Variants in DNAJC17 observed in about 807,000 individuals in gnomAD.
DNAJC17 encodes the protein dnaJ homolog subfamily C member 17.
In DNAJC17, 35 loss-of-function variants were observed where a neutral mutation model predicts 48.1. The ratio of observed to expected loss-of-function variants is 0.73; its 90% confidence interval spans 0.56 to 0.96. The LOEUF is 0.96. DNAJC17 is among the 50% of genes least tolerant of loss of function. The pLI is 0.00. For synonymous variants in DNAJC17, 117 were observed against 142.7 expected (o/e 0.82, Z 1.28); for missense variants, 355 against 377.1 (o/e 0.94, Z 0.48).
chr15:40,803,074 C>T (rs950366185), intron 1 of DNAJC17, among the ~76,000 whole-genome samples: 2 of 144,038 alleles, frequency 1.4e-5, no homozygotes, highest in Non-Finnish European at 3.0e-5. Context: ...CTGACTCCAG[C>T]GTGGGTAACA....
chr15:40,778,265 G>GT (rs1889385051), intron 4 of DNAJC17, among the ~76,000 whole-genome samples: 1 of 151,070 alleles, frequency 6.6e-6, no homozygotes, highest in Non-Finnish European at 1.5e-5. Context: ...GTTTTGTTTT[G>GT]TTTTTTGAGA....
Position 40,765,956 on chromosome 15 carries a change from C to G in DNAJC17, c.*1984G>C. 1 of 1,172,604 alleles carries G rather than the reference C, an allele frequency of 8.5e-7. No homozygotes were observed. The allele number at this position is 1,172,604 out of a possible 1,614,324, so 72.6% of individuals were successfully genotyped here. On this transcript the variant is annotated 3_prime_UTR_variant, in exon 11 of 11. Coordinates refer to ENST00000220496, the MANE Select transcript of DNAJC17 (RefSeq NM_018163.3). ...AGCCTCCCTCAGTATCCTCTCCCTGCCAGCCCCTAGACCTGCCTCTGCTCC... is the reference window on the plus strand; with the variant it reads ...AGCCTCCCTCAGTATCCTCTCCCTGGCAGCCCCTAGACCTGCCTCTGCTCC...
intron 1 of DNAJC17, among the ~76,000 whole-genome samples, chr15:40,795,177 C>T (rs76743173): frequency 0.28 from 42,743 of 150,334 alleles, 6,932 homozygotes; most frequent in South Asian, 0.4. Context: ...TTTAGGAGGC[C>T]GAGGCGGGAG....
At chr15:40,778,964 A>G in intron 4 of DNAJC17, 1 of 468,036 alleles carries the variant, frequency 2.1e-6, no homozygotes, top group Non-Finnish European at 3.9e-6. Flanking sequence ...AAGGTTTAGT[A>G]CCCACACTTC....
At chr15:40,774,224 AGC>A (rs1198606027) in intron 9 of DNAJC17, 130 bp downstream of exon 9, 1 of 1,025,530 alleles carries the variant, frequency 9.8e-7, no homozygotes, top group Non-Finnish European at 1.5e-6. Flanking sequence ...CCCTGGGAAG[AGC>A]CTTGGCTCTA....
chr15:40,781,581 T>C (rs920048981), intron 1 of DNAJC17, among the ~76,000 whole-genome samples: 5 of 152,076 alleles, frequency 3.3e-5, no homozygotes, highest in African/African-American at 1.2e-4. Flanking sequence ...AATAAAATAT[T>C]ATAGTAGACA....
intron 1 of DNAJC17, among the ~76,000 whole-genome samples, chr15:40,788,564 C>T (rs1889706863): frequency 6.6e-6 from 1 of 152,004 alleles, no homozygotes; most frequent in South Asian, 2.1e-4. Flanking sequence ...GGCATGGTGG[C>T]GGGCGCCTGT....
At chr15:40,776,404 G>A (rs1480482197) in intron 5 of DNAJC17, 112 bp from the exon 6 acceptor site, 5 of 1,458,428 alleles carry the variant, frequency 3.4e-6, no homozygotes, top group Non-Finnish European at 4.8e-6. Flanking sequence ...TCAGCAACCT[G>A]TGGGTGGGAC....
At position 40,787,739 on chromosome 15, in the gene DNAJC17, G is replaced by A. The variant is rs116542722; in HGVS notation, c.79-7742C>T. On this transcript the variant is annotated intron_variant, in intron 1 of 10. Coordinates refer to ENST00000220496, the MANE Select transcript of DNAJC17 (RefSeq NM_018163.3). ...CTAGCCACCTCCACTGGGTTTTGCC[G>A]CAAGCACACAGCAGGGCCTCTGACA... Among the ~76,000 whole-genome samples the A allele has an allele frequency of 5.0e-3, 759 of 152,214 alleles. 8 individuals carry two copies. The highest frequency in any genetic ancestry group is 0.017 in the African/African-American group (725 of 41,514).
rs1379013271 is a variant in DNAJC17, at chr15:40,769,718, G to A, written c.793-1656C>T. Among the ~76,000 whole-genome samples, 1 of 152,064 alleles carries A rather than the reference G, an allele frequency of 6.6e-6. No homozygotes were observed. The highest frequency in any genetic ancestry group is 1.5e-5 in the Non-Finnish European group (1 of 68,032). On this transcript the variant is annotated intron_variant, in intron 10 of 10. Coordinates refer to ENST00000220496, the MANE Select transcript of DNAJC17 (RefSeq NM_018163.3). The surrounding 1 kb of genome is among the most constrained non-coding windows in gnomAD (Gnocchi z 4.2). ...CCCGAACTCTTCCTACCCAGACACTGTGGGCAGGGAGCCAGGCGCACCTGC... is the reference window on the plus strand; with the variant it reads ...CCCGAACTCTTCCTACCCAGACACTATGGGCAGGGAGCCAGGCGCACCTGC...
At chr15:40,779,366 C>T (rs1889416260) in intron 3 of DNAJC17, 56 bp from the exon 4 acceptor site, 2 of 1,599,406 alleles carry the variant, frequency 1.3e-6, no homozygotes, top group Admixed American at 1.7e-5. Flanking sequence ...AAGACAGAGC[C>T]CCGGCAATCT....
chr15:40,790,345 G>A (rs1375621707), intron 1 of DNAJC17, among the ~76,000 whole-genome samples: 2 of 152,114 alleles, frequency 1.3e-5, no homozygotes, highest in Non-Finnish European at 2.9e-5. Context: ...AGGCTGAGGC[G>A]GGTGGATCAC....
At chr15:40,777,414 T>C (rs1043946096) in intron 4 of DNAJC17, among the ~76,000 whole-genome samples, 2 of 151,764 alleles carry the variant, frequency 1.3e-5, no homozygotes, top group East Asian at 1.9e-4. Context: ...AAGGAGAAAC[T>C]TGAGTAAAGA....
At chr15:40,787,933 T>C (rs2010300) in intron 1 of DNAJC17, among the ~76,000 whole-genome samples, 43,456 of 152,160 alleles carry the variant, frequency 0.29, 7,189 homozygotes, top group South Asian at 0.4. Flanking sequence ...TGTCCTTTCT[T>C]GTAATAAAGC....
chr15:40,769,605 C>T lies in DNAJC17; in HGVS notation c.793-1543G>A, dbSNP rs763466280. Among the ~76,000 whole-genome samples, 17 of 152,358 alleles carry T rather than the reference C, an allele frequency of 1.1e-4. No homozygotes were observed. The highest frequency in any genetic ancestry group is 2.1e-4 in the Non-Finnish European group (14 of 68,028). ...GTTCCTGCTCGTGAGGGCCTGACAG[C>T]GGGGCTGAGTCACCCATACCAGCTA... On this transcript the variant is annotated intron_variant, in intron 10 of 10. Coordinates refer to ENST00000220496, the MANE Select transcript of DNAJC17 (RefSeq NM_018163.3). The surrounding 1 kb of genome is among the most constrained non-coding windows in gnomAD (Gnocchi z 4.2).
intron 1 of DNAJC17, among the ~76,000 whole-genome samples, chr15:40,784,976 T>G (rs1273390232): frequency 6.6e-6 from 1 of 152,014 alleles, no homozygotes; most frequent in East Asian, 1.9e-4. Context: ...TGGGAGCCTG[T>G]AATCCCAGCT....
intron 1 of DNAJC17, among the ~76,000 whole-genome samples, chr15:40,781,516 A>G (rs1889488299): frequency 6.6e-6 from 1 of 152,094 alleles, no homozygotes; most frequent in South Asian, 2.1e-4. Context: ...ATAATAAAAA[A>G]TAAATTTCAA....
At position 40,765,790 on chromosome 15, in the gene DNAJC17, G is replaced by GCAGC. The variant is rs1233135971; in HGVS notation, c.*2146_*2149dup. 1.8e-6 allele frequency: 2 copies of GCAGC among 1,134,834 alleles called. No individual in the cohort carries two copies. The highest frequency in any genetic ancestry group is 2.2e-5 in the Admixed American group (1 of 45,890). The allele number at this position is 1,134,834 out of a possible 1,614,324, so 70.3% of individuals were successfully genotyped here. ...AGGCAAGACCTTCCACCTCCTCCTGGCAGCCAGCCAAGCAGCCACTGTGGC... is the reference window on the plus strand; with the variant it reads ...AGGCAAGACCTTCCACCTCCTCCTGGCAGCCAGCCAGCCAAGCAGCCACTGTGGC... On this transcript the variant is annotated 3_prime_UTR_variant, in exon 11 of 11. Transcript: ENST00000220496.
intron 10 of DNAJC17, among the ~76,000 whole-genome samples, chr15:40,768,344 G>A (rs1312749055): frequency 6.6e-6 from 1 of 152,146 alleles, no homozygotes; most frequent in Non-Finnish European, 1.5e-5. Flanking sequence ...AATCACCTGC[G>A]GGCCCTCTAA....
Sources: allele counts gnomAD v4.1 joint callset (sites outside exome capture counted in the v4.1 genomes callset), GRCh38; gene constraint gnomAD v4.1.1; non-coding constraint Gnocchi (gnomAD v3.1); transcripts MANE v1.5; gene names NCBI Gene and HGNC (gene_info 2026-07-23, HGNC 2026-07-21).